The following ADAM28 variants were observed in gnomAD, a reference collection of about 807,000 sequenced individuals.
ADAM28 encodes the protein ADAM metallopeptidase domain 28.
Under a neutral mutation model 101.2 loss-of-function variants are expected in ADAM28, and 105 were observed. That is an observed-to-expected ratio of 1.04 (90% CI 0.89 to 1.22). The LOEUF (loss-of-function observed/expected upper bound fraction) is 1.22. Among genes scored for constraint, ADAM28 ranks in the 50% most tolerant of loss-of-function variants. ADAM28 has a pLI of 0.00. For missense variants in ADAM28, 1,028 were observed against 945.4 expected, an observed-to-expected ratio of 1.09 and a Z score of -1.15; for synonymous variants, 322 against 310.6, an observed-to-expected ratio of 1.04 and a Z score of -0.39.
intron 14 of ADAM28, 90 bp downstream of exon 14, chr8:24,335,731 C>A: frequency 1.5e-6 from 2 of 1,343,830 alleles, no homozygotes; most frequent in South Asian, 2.3e-5. Context: ...ACCATTCTGT[C>A]CTATCCTTCT....
intron 18 of ADAM28, among the ~76,000 whole-genome samples, chr8:24,348,777 C>A (rs1815721566): frequency 6.6e-6 from 1 of 152,136 alleles, no homozygotes; most frequent in Non-Finnish European, 1.5e-5. Flanking sequence ...TCCTGTGCCC[C>A]AATTTTAGCT....
intron 2 of ADAM28, among the ~76,000 whole-genome samples, chr8:24,308,002 C>T (rs984690541): frequency 1.3e-5 from 2 of 152,142 alleles, no homozygotes; most frequent in African/African-American, 4.8e-5. Context: ...CATTGACATC[C>T]CCTAGACCTT....
intron 8 of ADAM28, 34 bp downstream of exon 8, chr8:24,321,323 A>T: frequency 6.6e-7 from 1 of 1,512,434 alleles, no homozygotes; most frequent in Non-Finnish European, 9.2e-7. Flanking sequence ...AGTTTTAAAC[A>T]GTTTGCTGGG....
chr8:24,313,239 G>A lies in ADAM28; in HGVS notation c.384-149G>A. 6.0e-6 allele frequency: 4 copies of A among 664,680 alleles called. No homozygotes were observed. The Admixed American group carries it at 1.0e-4, about 17-fold the overall frequency. The allele number at this position is 664,680 out of a possible 1,614,324, so 41.2% of individuals were successfully genotyped here. A position where few individuals can be genotyped will look rare whatever the true frequency, so the allele number is the denominator to read the frequency against. On this transcript the variant is annotated intron_variant, in intron 5 of 22. Coordinates refer to ENST00000265769, the MANE Select transcript of ADAM28 (RefSeq NM_014265.6). ...GATAATCTTCAAGGTATCTTCAGCT[G>A]TAAGTTTTACTGTATTTTATTGCCA...
At chr8:24,336,366 G>T (rs548459693) in intron 14 of ADAM28, among the ~76,000 whole-genome samples, 1 of 151,606 alleles carries the variant, frequency 6.6e-6, no homozygotes, top group South Asian at 2.1e-4. Flanking sequence ...GGCGGATCAC[G>T]AGGTCAGGAG....
chr8:24,311,460 C>T, intron 5 of ADAM28, 23 bp downstream of exon 5: 1 of 1,592,956 alleles, frequency 6.3e-7, no homozygotes, highest in Middle Eastern at 1.7e-4. Flanking sequence ...GAATGTTTTG[C>T]ATGTACCTGT....
intron 10 of ADAM28, among the ~76,000 whole-genome samples, chr8:24,327,938 G>A (rs932720764): frequency 4.6e-5 from 7 of 151,800 alleles, no homozygotes; most frequent in African/African-American, 1.7e-4. Context: ...TATTAATTTT[G>A]TTTTAGATAT....
In ADAM28 at chr8:24,330,011, T is replaced by G. The variant is rs1813156326; in HGVS notation, c.999T>G (p.Val333=). The G allele has an allele frequency of 8.7e-6, 14 of 1,613,598 alleles. No homozygotes were observed. The highest frequency in any genetic ancestry group is 1.3e-5 in the African/African-American group (1 of 74,982). The change falls in exon 11 of 23, where the codon GTT becomes GTG. Residue 333 remains valine (V), a synonymous_variant. Transcript: ENST00000265769. ...VQDHSDNLLR[V]AGTMAHEMGH... ...ACCACAGCGATAATCTTCTTAGAGT[T>G]GCAGGGACAATGGCACATGAAATGG...
In ADAM28 at chr8:24,331,276, TG is replaced by T; in HGVS notation, c.1233del (p.Asn412ThrfsTer38). 4 of 1,612,786 alleles carry T rather than the reference TG, an allele frequency of 2.5e-6. No individual in the cohort carries two copies. Among genetic ancestry groups the T allele is most frequent in the Non-Finnish European group, 3.4e-6 (4 of 1,179,330 alleles). ...CAGATATCATATCCACTCCAATTTGTGGGAACCAGTTGGTGGAAATGGGAGA... is the reference window on the plus strand; with the variant it reads ...CAGATATCATATCCACTCCAATTTGTGGAACCAGTTGGTGGAAATGGGAGA... ...PTDIISTPICGNQLVEMGEDC... is the reference protein window; with the variant it reads ...PTDIISTPICXNQLVEMGEDC... On this transcript the variant is annotated frameshift_variant, in exon 12 of 23. Transcript: ENST00000265769. LOFTEE classifies it high-confidence loss of function.
chr8:24,333,965 G>C (rs1813690633), intron 13 of ADAM28, among the ~76,000 whole-genome samples: 1 of 152,030 alleles, frequency 6.6e-6, no homozygotes, highest in South Asian at 2.1e-4. Flanking sequence ...CAGCATGAAT[G>C]TGCACATGGC....
intron 2 of ADAM28, among the ~76,000 whole-genome samples, chr8:24,309,069 T>C (rs1810081971): frequency 6.6e-6 from 1 of 152,234 alleles, no homozygotes; most frequent in Middle Eastern, 3.2e-3. Flanking sequence ...AACCCTGTTT[T>C]ATAGACCAAA....
Position 24,328,403 on chromosome 8 carries a change from TA to T in ADAM28, c.973-1581del, listed in dbSNP as rs550999942. ...ATCCTAGATAGAAATGGAATTAACA[TA>T]TTTTTTAGTTACTATCTTTTGAGTC... On this transcript the variant is annotated intron_variant, in intron 10 of 22. Transcript: ENST00000265769. Among the ~76,000 whole-genome samples the T allele has an allele frequency of 1.3e-3, 203 of 152,042 alleles. 3 individuals are homozygous for T. The highest frequency in any genetic ancestry group is 4.7e-3 in the African/African-American group (194 of 41,490).
intron 7 of ADAM28, 136 bp downstream of exon 7, chr8:24,320,443 CTA>C: frequency 1.6e-6 from 1 of 639,044 alleles, no homozygotes; most frequent in Non-Finnish European, 2.6e-6. Context: ...TCTTCTAAAA[CTA>C]TGAAATTTGA....
rs1335521982 is a variant in ADAM28, at chr8:24,311,415, A to G, written c.361A>G (p.Ile121Val). 1 of 1,613,124 alleles carries G rather than the reference A, an allele frequency of 6.2e-7. No individual in the cohort carries two copies. Among genetic ancestry groups the G allele is most frequent in the African/African-American group, 1.3e-5 (1 of 74,858 alleles). Residue 121 changes from isoleucine (I) to valine (V), a missense_variant, in exon 5 of 23, where the codon ATC (isoleucine) becomes GTC (valine). Coordinates refer to ENST00000265769, the MANE Select transcript of ADAM28 (RefSeq NM_014265.6). ...TAATGAAAAGGTTTCTGACGCTAGC[A>G]TCAGCACATGTAGGGGTCTAAGGTA... ...ILNEKVSDASISTCRGLRGYF... is the reference protein window; with the variant it reads ...ILNEKVSDASVSTCRGLRGYF...
At chr8:24,299,446 T>A (rs1382634174) in intron 1 of ADAM28, among the ~76,000 whole-genome samples, 1 of 101,860 alleles carries the variant, frequency 9.8e-6, no homozygotes, top group Non-Finnish European at 2.1e-5. Flanking sequence ...TTGGAGCCTT[T>A]TCTTACTGTG....
At chr8:24,301,199 G>A (rs1808711309) in intron 2 of ADAM28, among the ~76,000 whole-genome samples, 1 of 152,158 alleles carries the variant, frequency 6.6e-6, no homozygotes, top group Non-Finnish European at 1.5e-5. Flanking sequence ...GCAAATTTAT[G>A]AAAACAGAAC....
intron 18 of ADAM28, among the ~76,000 whole-genome samples, chr8:24,344,690 C>A (rs1052546314): frequency 1.3e-5 from 2 of 151,886 alleles, no homozygotes; most frequent in East Asian, 3.9e-4. Flanking sequence ...TTGAAAGGGG[C>A]ATGAACATAA....
At chr8:24,336,037 C>CA (rs1329723478) in intron 14 of ADAM28, 1 of 956,224 alleles carries the variant, frequency 1.0e-6, no homozygotes, top group Non-Finnish European at 1.2e-6. Flanking sequence ...TGTGTGTGTG[C>CA]GGGTGTGTGT....
Position 24,331,310 on chromosome 8 carries a change from G to A in ADAM28, c.1264G>A (p.Asp422Asn). 1 of 1,607,610 alleles carries A rather than the reference G, an allele frequency of 6.2e-7. No homozygotes were observed. Among genetic ancestry groups the A allele is most frequent in the East Asian group, 2.2e-5 (1 of 44,676 alleles). ...GTTGGTGGAAATGGGAGAGGACTGTGATTGTGGGACATCTGAGGTATGGCC... is the reference window on the plus strand; with the variant it reads ...GTTGGTGGAAATGGGAGAGGACTGTAATTGTGGGACATCTGAGGTATGGCC... ...NQLVEMGEDC[D>N]CGTSEECTNI... is the part of the protein sequence containing the mutation. Residue 422 changes from aspartate to asparagine, a missense_variant, in exon 12 of 23, where the codon GAT becomes AAT. Asp to Asn is a conservative substitution (Grantham distance 23, BLOSUM62 1). Transcript: ENST00000265769.
Sources: allele counts gnomAD v4.1 joint callset (sites outside exome capture counted in the v4.1 genomes callset), GRCh38; gene constraint gnomAD v4.1.1; transcripts MANE v1.5; gene names NCBI Gene and HGNC (gene_info 2026-07-23, HGNC 2026-07-21).